QTMAN: variants seen among roughly 807,000 people sequenced by gnomAD.
The protein encoded by QTMAN is tRNA-queuosine alpha-mannosyltransferase.
chr2:144,133,199 A>T, the QTMAN span, among the ~76,000 whole-genome samples: 32 of 79,932 alleles, frequency 4.0e-4, no homozygotes, highest in South Asian at 4.8e-3. Context: ...ATTTATATAT[A>T]TATATTTATA....
chr2:144,216,985 A>G, the QTMAN span, among the ~76,000 whole-genome samples: 1 of 152,216 alleles, frequency 6.6e-6, no homozygotes, highest in Non-Finnish European at 1.5e-5. Context: ...ATTTTTAAAT[A>G]CTTTCTGCCA....
At chr2:143,993,010 C>A in the QTMAN span, among the ~76,000 whole-genome samples, 2 of 152,062 alleles carry the variant, frequency 1.3e-5, no homozygotes, top group Admixed American at 6.5e-5. Flanking sequence ...ATGGTAGATA[C>A]CTGCAGTGAG....
At chr2:144,227,018 GT>G in the QTMAN span, among the ~76,000 whole-genome samples, 1 of 151,990 alleles carries the variant, frequency 6.6e-6, no homozygotes, top group Admixed American at 6.6e-5. Flanking sequence ...GTACATAATT[GT>G]TTGCTTGTGT....
At chr2:143,987,361 G>A in the QTMAN span, among the ~76,000 whole-genome samples, 6,084 of 152,242 alleles carry the variant, frequency 0.04, 235 homozygotes, top group East Asian at 0.17. Context: ...GTGAATACAG[G>A]TTCACATTCA....
At chr2:144,145,629 G>T in the QTMAN span, 3 of 1,610,544 alleles carry the variant, frequency 1.9e-6, no homozygotes, top group Non-Finnish European at 2.5e-6. Flanking sequence ...TTTCTTGACA[G>T]GATATATCAA....
chr2:144,181,802 C>A, the QTMAN span, among the ~76,000 whole-genome samples: 11 of 152,112 alleles, frequency 7.2e-5, no homozygotes, highest in South Asian at 2.1e-4. Flanking sequence ...CAGAGTGACA[C>A]CCTATCTCAA....
the QTMAN span, among the ~76,000 whole-genome samples, chr2:144,270,768 C>A: frequency 6.6e-6 from 1 of 152,082 alleles, no homozygotes; most frequent in Non-Finnish European, 1.5e-5. Context: ...CACATGTATA[C>A]CTTTGTAACA....
the QTMAN span, among the ~76,000 whole-genome samples, chr2:144,216,854 C>T: frequency 6.6e-6 from 1 of 152,090 alleles, no homozygotes; most frequent in African/African-American, 2.4e-5. Flanking sequence ...GATCTATTAT[C>T]ATCCTAGTTT....
chr2:144,325,516 GA>G, the QTMAN span, among the ~76,000 whole-genome samples: 6,839 of 142,538 alleles, frequency 0.048, 221 homozygotes, highest in South Asian at 0.12. Context: ...AAGAAAAAAG[GA>G]AAAAAAAAAA....
chr2:144,250,070 G>A, the QTMAN span, among the ~76,000 whole-genome samples: 1 of 151,720 alleles, frequency 6.6e-6, no homozygotes, highest in Non-Finnish European at 1.5e-5. Flanking sequence ...TGTGGTGGTG[G>A]TTGTAAAGCT....
At chr2:144,272,529 C>T in the QTMAN span, among the ~76,000 whole-genome samples, 1 of 152,166 alleles carries the variant, frequency 6.6e-6, no homozygotes, top group Non-Finnish European at 1.5e-5. Flanking sequence ...CCCTCACACT[C>T]CACACTCCCC....
chr2:144,214,942 G>C, the QTMAN span, among the ~76,000 whole-genome samples: 24 of 152,136 alleles, frequency 1.6e-4, no homozygotes, highest in African/African-American at 5.3e-4. Flanking sequence ...TCAACTTTCT[G>C]CTTAAAAGTA....
At chr2:143,952,081 A>G in the QTMAN span, 2 of 1,538,632 alleles carry the variant, frequency 1.3e-6, no homozygotes, top group African/African-American at 1.4e-5. Flanking sequence ...CAGCTGCAGG[A>G]AAAACAGATA....
the QTMAN span, among the ~76,000 whole-genome samples, chr2:144,060,525 T>C: frequency 1.3e-5 from 2 of 152,136 alleles, no homozygotes; most frequent in African/African-American, 2.4e-5. Context: ...CCAACCAAAG[T>C]GCTAAAATTA....
At chr2:143,968,883 GGTCTTACTGTGATTCT>G in the QTMAN span, among the ~76,000 whole-genome samples, 54 of 152,104 alleles carry the variant, frequency 3.6e-4, no homozygotes, top group Non-Finnish European at 7.4e-4. Context: ...ACTACCAGAG[GGTCTTACTGTGATTCT>G]GTCTACATAT....
chr2:144,073,378 A>G, the QTMAN span, among the ~76,000 whole-genome samples: 2 of 152,082 alleles, frequency 1.3e-5, no homozygotes, highest in Non-Finnish European at 2.9e-5. Flanking sequence ...AAGGTGATGC[A>G]ATGGAATTAT....
chr2:144,145,470 TA>T, the QTMAN span: 18 of 743,220 alleles, frequency 2.4e-5, no homozygotes, highest in South Asian at 6.3e-5. Flanking sequence ...TATGGTGTTT[TA>T]AAAAAAGGTG....
At chr2:144,122,674 A>T in the QTMAN span, among the ~76,000 whole-genome samples, 1 of 152,202 alleles carries the variant, frequency 6.6e-6, no homozygotes, top group Non-Finnish European at 1.5e-5. Context: ...ATTTTCGTTC[A>T]TCTTCTCCAT....
chr2:144,325,818 A>G, the QTMAN span, among the ~76,000 whole-genome samples: 1 of 152,344 alleles, frequency 6.6e-6, no homozygotes, highest in South Asian at 2.1e-4. Flanking sequence ...AAAAATTAGC[A>G]CAAGAAATTT....
Sources: gnomAD v4.1 joint callset for allele counts (sites outside exome capture counted in the v4.1 genomes callset) on GRCh38, gnomAD v4.1.1 for gene constraint, MANE v1.5 for transcripts, NCBI Gene and HGNC (gene_info 2026-07-23, HGNC 2026-07-21) for gene names.